The following BORCS5 variants were observed in gnomAD, a reference collection of about 807,000 sequenced individuals.
BORCS5 encodes BLOC-1-related complex subunit 5.
In BORCS5, 17 loss-of-function variants were observed where a neutral mutation model predicts 22.1. The observed-to-expected ratio is 0.77, with a 90% CI of 0.53 to 1.15. The LOEUF is 1.15. Ranked by LOEUF, BORCS5 falls within the 50% of genes most tolerant of loss-of-function variation. The pLI, the probability that BORCS5 is intolerant of heterozygous loss-of-function variation, is 0.00. For synonymous variants in BORCS5, 117 were observed against 99.8 expected (o/e 1.17, Z -1.03); for missense variants, 247 against 253.2 (o/e 0.98, Z 0.17).
chr12:12,374,584 A>G (rs751936343), intron 2 of BORCS5, among the ~76,000 whole-genome samples: 6 of 152,008 alleles, frequency 3.9e-5, no homozygotes, highest in Non-Finnish European at 7.4e-5. Context: ...AGCGGTGTTC[A>G]TAGCGCTGTA....
At chr12:12,420,277 T>C (rs1049466148) in intron 2 of BORCS5, among the ~76,000 whole-genome samples, 6 of 152,168 alleles carry the variant, frequency 3.9e-5, no homozygotes, top group Admixed American at 2.6e-4. Context: ...TAGCCAGTTT[T>C]CCCAGCACTA....
Position 12,414,362 on chromosome 12 carries a change from G to C in BORCS5, c.203-21266G>C, listed in dbSNP as rs1341575288. Among the ~76,000 whole-genome samples, 12 of 111,358 alleles carry C rather than the reference G, an allele frequency of 1.1e-4. No homozygotes were observed. The East Asian group carries it at 1.9e-3, about 18-fold the overall frequency. 73.1% of individuals were successfully genotyped at this position (111,358 alleles called of 152,430 possible). The stretch of plus-strand genomic sequence containing the variant: ...GGCCCCCCCACCTCCCTCCCGGACG[G>C]GGTGGCTGGTCAGGCGGGGGGCTGA... On this transcript the variant is annotated intron_variant, in intron 2 of 3. Transcript: ENST00000314565.
intron 3 of BORCS5, among the ~76,000 whole-genome samples, chr12:12,454,084 G>A (rs1430527079): frequency 6.6e-6 from 1 of 152,102 alleles, no homozygotes; most frequent in African/African-American, 2.4e-5. Flanking sequence ...ATTTTTCAGT[G>A]GATGGATATT....
At chr12:12,412,900 C>CTTTTTTTTT (rs869045354) in intron 2 of BORCS5, among the ~76,000 whole-genome samples, 16 of 74,170 alleles carry the variant, frequency 2.2e-4, no homozygotes, top group East Asian at 5.3e-4. Context: ...TTGTGGTTTT[C>CTTTTTTTTT]TTTTTTTTTT....
chr12:12,357,473 G>A lies in BORCS5; in HGVS notation c.22G>A (p.Glu8Lys), dbSNP rs753176333. The change falls in exon 1 of 4, where the codon GAG (glutamate) becomes AAG (lysine). Residue 8 changes from glutamate to lysine, a missense_variant. Physicochemically the swap from Glu to Lys is moderately conservative, Grantham distance 56 (BLOSUM62 1). Transcript: ENST00000314565. ...CACCATGGGCAGTGAGCAGAGCTCC[G>A]AGGCCGAGAGCCGACCCAACGATCT... is the stretch of plus-strand genomic sequence containing the variant. MGSEQSS[E>K]AESRPNDLNS... The A allele has an allele frequency of 6.2e-6, 10 of 1,611,106 alleles. No individual in the cohort carries two copies. The highest frequency in any genetic ancestry group is 8.5e-6 in the Non-Finnish European group (10 of 1,177,716).
intron 3 of BORCS5, among the ~76,000 whole-genome samples, chr12:12,454,795 A>G (rs1044441617): frequency 2.0e-5 from 3 of 152,230 alleles, no homozygotes; most frequent in African/African-American, 7.2e-5. Context: ...TCCTACATAT[A>G]TTATCTCATT....
At chr12:12,363,895 C>T (rs1273038415) in intron 2 of BORCS5, among the ~76,000 whole-genome samples, 1 of 146,762 alleles carries the variant, frequency 6.8e-6, no homozygotes, top group Non-Finnish European at 1.5e-5. Context: ...AACTCCATCT[C>T]AGAAAAAAAA....
chr12:12,389,466 C>A (rs1863954439), intron 2 of BORCS5, among the ~76,000 whole-genome samples: 3 of 145,172 alleles, frequency 2.1e-5, no homozygotes, highest in Admixed American at 1.4e-4. Context: ...TGCACATTTA[C>A]AATTCTAATT....
intron 2 of BORCS5, among the ~76,000 whole-genome samples, chr12:12,424,930 T>G (rs1042692732): frequency 6.6e-6 from 1 of 152,212 alleles, no homozygotes; most frequent in Non-Finnish European, 1.5e-5. Flanking sequence ...AAAAAAATGC[T>G]GCCCCCTTTA....
chr12:12,410,633 TGTA>T (rs1234167800), intron 2 of BORCS5, among the ~76,000 whole-genome samples: 1 of 152,198 alleles, frequency 6.6e-6, no homozygotes, highest in East Asian at 1.9e-4. Flanking sequence ...ACTGTAGCCT[TGTA>T]GTATAGTTTG....
At chr12:12,415,076 G>A (rs1941897280) in intron 2 of BORCS5, among the ~76,000 whole-genome samples, 1 of 149,858 alleles carries the variant, frequency 6.7e-6, no homozygotes, top group African/African-American at 2.5e-5. Flanking sequence ...TGGGCAGCCA[G>A]GCAGAGAGGC....
At position 12,416,019 on chromosome 12, in the gene BORCS5, T is replaced by G. The variant is rs180860395; in HGVS notation, c.203-19609T>G. 3.9e-5 allele frequency among the ~76,000 whole-genome samples: 6 copies of G among 152,328 alleles called. No homozygotes were observed. The South Asian group carries it at 1.2e-3, about 32-fold the overall frequency. On this transcript the variant is annotated intron_variant, in intron 2 of 3. Coordinates refer to ENST00000314565, the MANE Select transcript of BORCS5 (RefSeq NM_058169.6). ...AATCTCCTTACTAATTATAGGTCTA[T>G]TCAGAGTTTCTATGTGGCTTAGCCT...
At chr12:12,362,720 A>G (rs1328950427) in intron 2 of BORCS5, among the ~76,000 whole-genome samples, 9 of 136,800 alleles carry the variant, frequency 6.6e-5, no homozygotes, top group Non-Finnish European at 1.2e-4. Flanking sequence ...GCTTACTGCA[A>G]CCTCCACCTC....
chr12:12,385,364 A>G (rs1328351530), intron 2 of BORCS5, among the ~76,000 whole-genome samples: 1 of 151,496 alleles, frequency 6.6e-6, no homozygotes, highest in Admixed American at 6.6e-5. Flanking sequence ...GTTCCAAATA[A>G]GTCAGCAGCC....
At chr12:12,362,529 C>T (rs1020775257) in intron 2 of BORCS5, among the ~76,000 whole-genome samples, 1 of 150,784 alleles carries the variant, frequency 6.6e-6, no homozygotes, top group Non-Finnish European at 1.5e-5. Flanking sequence ...TCGTCATTCA[C>T]ATTAGGTATA....
chr12:12,375,546 G>A (rs1400980988), intron 2 of BORCS5, among the ~76,000 whole-genome samples: 1 of 152,204 alleles, frequency 6.6e-6, no homozygotes, highest in Non-Finnish European at 1.5e-5. Flanking sequence ...CTTGATTCCA[G>A]GAGTTTGAGG....
Position 12,449,138 on chromosome 12 carries a change from CAG to C in BORCS5, c.360+13358_360+13359del, listed in dbSNP as rs1052990212. Among the ~76,000 whole-genome samples, 7 of 152,144 alleles carry C rather than the reference CAG, an allele frequency of 4.6e-5. No individual in the cohort carries two copies. In the South Asian group the frequency reaches 1.2e-3, roughly 27 times the overall value. ...GGACTGTGGTGGTACAGAAGGTAGACAGAGAGTGGACTCATGCCTAGGAGCTT... is the reference window on the plus strand; with the variant it reads ...GGACTGTGGTGGTACAGAAGGTAGACAGAGTGGACTCATGCCTAGGAGCTT... On this transcript the variant is annotated intron_variant, in intron 3 of 3. Coordinates refer to ENST00000314565, the MANE Select transcript of BORCS5 (RefSeq NM_058169.6).
In BORCS5 at chr12:12,413,780, C is replaced by T. The variant is rs1941814916; in HGVS notation, c.203-21848C>T. On this transcript the variant is annotated intron_variant, in intron 2 of 3. Coordinates refer to ENST00000314565, the MANE Select transcript of BORCS5 (RefSeq NM_058169.6). ...GGGGCTCCTCACTTCCCAGTAGGGG[C>T]GGCCGGGCAGAGGCGCCCCTCACCT... Among the ~76,000 whole-genome samples the T allele has an allele frequency of 5.0e-5, 4 of 80,250 alleles. No individual in the cohort carries two copies. The South Asian group carries it at 8.8e-4, about 18-fold the overall frequency. 52.6% of individuals were successfully genotyped at this position (80,250 alleles called of 152,430 possible). A position where few individuals can be genotyped will look rare whatever the true frequency, so the allele number is the denominator to read the frequency against.
intron 2 of BORCS5, among the ~76,000 whole-genome samples, chr12:12,423,843 C>G (rs1261294710): frequency 6.6e-6 from 1 of 152,106 alleles, no homozygotes; most frequent in Non-Finnish European, 1.5e-5. Flanking sequence ...CATCTGCCAC[C>G]ACGCCTGGCT....
Sources: gnomAD v4.1 joint callset for allele counts (sites outside exome capture counted in the v4.1 genomes callset) on GRCh38, gnomAD v4.1.1 for gene constraint, MANE v1.5 for transcripts, NCBI Gene and HGNC (gene_info 2026-07-23, HGNC 2026-07-21) for gene names.